DIS3: variants seen among roughly 807,000 people sequenced by gnomAD.
DIS3 encodes exosome complex exonuclease RRP44.
Under a neutral mutation model 113.0 loss-of-function variants are expected in DIS3, and 103 were observed. The ratio of observed to expected loss-of-function variants is 0.91; its 90% CI spans 0.78 to 1.07. The LOEUF is 1.07. DIS3 is among the 50% of genes least tolerant of loss of function. DIS3 has a pLI of 0.00. For synonymous variants in DIS3, 402 were observed against 394.3 expected (o/e 1.02, Z -0.23); for missense variants, 1,121 against 1,167.1 (o/e 0.96, Z 0.58).
intron 14 of DIS3, 31 bp from the exon 15 acceptor site, chr13:72,766,089 T>C (rs745744860): frequency 4.6e-6 from 7 of 1,531,816 alleles, no homozygotes; most frequent in East Asian, 2.4e-5. Context: ...AAAATTATAG[T>C]CAAGCAAGCC....
chr13:72,781,509 C>T, intron 1 of DIS3, 96 bp downstream of exon 1: 5 of 1,436,886 alleles, frequency 3.5e-6, no homozygotes, highest in Non-Finnish European at 4.6e-6. Context: ...AGGTATGTGA[C>T]ACTGCCAAAG....
chr13:72,753,725 C>A lies in DIS3; in HGVS notation c.*6070G>T. On this transcript the variant is annotated 3_prime_UTR_variant, in exon 21 of 21. Coordinates refer to ENST00000377767, the MANE Select transcript of DIS3 (RefSeq NM_014953.5). ...GCTATAATACGCAGAATTGTGGAAG[C>A]AATATTATGGATACAGTTGGGGCAG... 6.2e-7 allele frequency: 1 copy of A among 1,613,004 alleles called. No homozygotes were observed. Among genetic ancestry groups the A allele is most frequent in the Non-Finnish European group, 8.5e-7 (1 of 1,179,496 alleles).
chr13:72,774,095 C>A, intron 6 of DIS3, 36 bp from the exon 7 acceptor site: 1 of 1,424,246 alleles, frequency 7.0e-7, no homozygotes, highest in Non-Finnish European at 9.6e-7. Flanking sequence ...AGTTATATTC[C>A]TCTAAGTATT....
rs1044491788 is a variant in DIS3 at position 72,753,237 on chromosome 13, C to T, written c.*6558G>A. ...TTATTAACATGAAAAGCTGAACTAA[C>T]ATCTAGAGCCATTATATATGTGGCA... is the stretch of plus-strand genomic sequence containing the variant. On this transcript the variant is annotated 3_prime_UTR_variant, in exon 21 of 21. Transcript: ENST00000377767. The T allele has an allele frequency of 6.5e-6, 1 of 152,880 alleles. No individual in the cohort carries two copies. Among genetic ancestry groups the T allele is most frequent in the South Asian group, 2.1e-4 (1 of 4,876 alleles). 9.5% of individuals were successfully genotyped at this position (152,880 alleles called of 1,614,324 possible).
intron 8 of DIS3, 23 bp downstream of exon 8, chr13:72,773,661 T>A: frequency 1.3e-6 from 2 of 1,591,380 alleles, no homozygotes; most frequent in South Asian, 1.2e-5. Flanking sequence ...CATCCCCACA[T>A]AAAATTAATA....
intron 2 of DIS3, among the ~76,000 whole-genome samples, chr13:72,779,303 A>C (rs1593853989): frequency 6.6e-6 from 1 of 151,990 alleles, no homozygotes; most frequent in South Asian, 2.1e-4. Flanking sequence ...TATTTTTAAG[A>C]GACAGGGATT....
rs772692219 is a variant in DIS3 at position 72,772,216 on chromosome 13, T to C, written c.1446A>G (p.Gly482=). 2 of 1,613,590 alleles carry C rather than the reference T, an allele frequency of 1.2e-6. No homozygotes were observed. The highest frequency in any genetic ancestry group is 2.2e-5 in the East Asian group (1 of 44,856). ...GTAGAGCATCGTCTATATCAGTACA[T>C]CCTGGTGGGTCTACACTACAAATAC... ...HLCICSVDPP[G]CTDIDDALHC... The change falls in exon 10 of 21, where the codon GGA becomes GGG. Residue 482 remains glycine, a synonymous_variant. Coordinates refer to ENST00000377767, the MANE Select transcript of DIS3 (RefSeq NM_014953.5).
intron 3 of DIS3, 82 bp from the exon 4 acceptor site, chr13:72,777,575 T>C: frequency 8.7e-7 from 1 of 1,143,650 alleles, no homozygotes; most frequent in South Asian, 1.3e-5. Context: ...TTTGCGACAG[T>C]ATACACGTCA....
intron 9 of DIS3, 120 bp from the exon 10 acceptor site, chr13:72,772,395 G>A: frequency 1.3e-6 from 1 of 792,968 alleles, no homozygotes; most frequent in Non-Finnish European, 1.9e-6. Context: ...TTTTCTTGAT[G>A]ACAACCACAT....
chr13:72,772,349 A>T lies in DIS3; in HGVS notation c.1387-74T>A, dbSNP rs544043197. The T allele has an allele frequency of 7.0e-6, 8 of 1,142,370 alleles. No individual in the cohort carries two copies. The African/African-American group carries it at 1.2e-4, about 18-fold the overall frequency. The allele number at this position is 1,142,370 out of a possible 1,614,324, so 70.8% of individuals were successfully genotyped here. ...TACAACATATTAATAGCTCTTGTGA[A>T]ATCAGTAATATGTATACAAAAACAA... On this transcript the variant is annotated intron_variant, in intron 9 of 20. Transcript: ENST00000377767.
chr13:72,765,331 G>T (rs899639352), intron 15 of DIS3, among the ~76,000 whole-genome samples: 2 of 152,072 alleles, frequency 1.3e-5, no homozygotes, highest in Non-Finnish European at 2.9e-5. Flanking sequence ...CAAACCTAGG[G>T]AGTCTGGCTT....
chr13:72,774,900 T>C (rs2033971425), intron 6 of DIS3, among the ~76,000 whole-genome samples: 2 of 152,182 alleles, frequency 1.3e-5, no homozygotes, highest in African/African-American at 4.8e-5. Context: ...TTTCAGAAAA[T>C]GTTAAACACA....
intron 5 of DIS3, 51 bp downstream of exon 5, chr13:72,775,874 A>G (rs1314198617): frequency 1.4e-6 from 2 of 1,405,348 alleles, no homozygotes; most frequent in African/African-American, 1.5e-5. Flanking sequence ...TTCATAATAT[A>G]TAAAATATCA....
chr13:72,775,817 G>T, intron 5 of DIS3, 108 bp downstream of exon 5: 1 of 951,956 alleles, frequency 1.1e-6, no homozygotes, highest in Non-Finnish European at 1.5e-6. Flanking sequence ...TTGCTTTAAA[G>T]TATGTGAAGC....
At chr13:72,778,446 G>T (rs955277223) in intron 2 of DIS3, 66 bp from the exon 3 acceptor site, 2 of 1,316,294 alleles carry the variant, frequency 1.5e-6, no homozygotes, top group Non-Finnish European at 2.1e-6. Flanking sequence ...AAAACTCTTA[G>T]CACATAAATG....
chr13:72,771,257 T>G, intron 11 of DIS3, 112 bp from the exon 12 acceptor site: 1 of 843,034 alleles, frequency 1.2e-6, no homozygotes, highest in Non-Finnish European at 1.8e-6. Context: ...AGTGTTCTGC[T>G]TTTTGTAAAT....
chr13:72,771,267 T>C (rs1213483817), intron 11 of DIS3, 122 bp from the exon 12 acceptor site: 3 of 781,074 alleles, frequency 3.8e-6, no homozygotes, highest in Middle Eastern at 2.9e-4. Context: ...TTTTTGTAAA[T>C]AGGAGAATTG....
chr13:72,760,592 T>A lies in DIS3; in HGVS notation c.2730A>T (p.Lys910Asn). The change falls in exon 20 of 21, where the codon AAA becomes AAT. Residue 910 changes from lysine (K) to asparagine (N), a missense_variant. Transcript: ENST00000377767. ...VFHVFDKVKV[K>N]IMLDSSNLQH... ...GAAGATTAGATGAGTCTAACATGAT[T>A]TTCACTTTAACTTTATCAAATACAT... The A allele has an allele frequency of 1.2e-6, 2 of 1,613,570 alleles. No homozygotes were observed. Among genetic ancestry groups the A allele is most frequent in the Non-Finnish European group, 1.7e-6 (2 of 1,179,628 alleles).
chr13:72,763,696 A>G (rs2033683570), intron 15 of DIS3, 89 bp from the exon 16 acceptor site: 2 of 1,304,792 alleles, frequency 1.5e-6, no homozygotes, highest in South Asian at 1.5e-5. Flanking sequence ...TTTGTTACCA[A>G]GAAGATAATA....
Sources: gnomAD v4.1 joint callset for allele counts (sites outside exome capture counted in the v4.1 genomes callset) on GRCh38, gnomAD v4.1.1 for gene constraint, MANE v1.5 for transcripts, NCBI Gene and HGNC (gene_info 2026-07-23, HGNC 2026-07-21) for gene names.